The following ZNF385D variants were observed in gnomAD, a reference collection of about 807,000 sequenced individuals.
The protein encoded by ZNF385D is zinc finger protein 659.
Under a neutral mutation model 35.8 loss-of-function variants are expected in ZNF385D, and 15 were observed. That is an observed-to-expected ratio of 0.42 (90% CI 0.28 to 0.64). ZNF385D has a LOEUF of 0.64. ZNF385D is among the 30% of genes least tolerant of loss of function. The probability of loss-of-function intolerance (pLI) is 0.23; values close to 1 mark genes in which losing one functional copy is unlikely to be tolerated. For missense variants in ZNF385D, 474 were observed against 494.6 expected (o/e 0.96, Z 0.39); for synonymous variants, 212 against 186.8 (o/e 1.13, Z -1.10).
chr3:21,442,857 G>T (rs1389118356), intron 4 of ZNF385D, among the ~76,000 whole-genome samples: 1 of 147,470 alleles, frequency 6.8e-6, no homozygotes, highest in East Asian at 2.1e-4. Context: ...GCATGTGCAT[G>T]TATGGCTATA....
chr3:21,951,164 C>A (rs187620068), intron 3 of ZNF385D, among the ~76,000 whole-genome samples: 7 of 151,858 alleles, frequency 4.6e-5, no homozygotes, highest in Admixed American at 4.6e-4. Flanking sequence ...GATACTGATT[C>A]TTCCTGTCCA....
At position 21,626,400 on chromosome 3, in the gene ZNF385D, A is replaced by T. The variant is rs74830267; in HGVS notation, c.165+38486T>A. 8.2e-4 allele frequency among the ~76,000 whole-genome samples: 125 copies of T among 152,274 alleles called. No individual in the cohort carries two copies. The East Asian group carries it at 0.012, about 14-fold the overall frequency. On this transcript the variant is annotated intron_variant, in intron 2 of 7. Transcript: ENST00000281523. Reference sequence around the variant, plus strand: ...CCAGAACACAAATAGGAAAAATGATAGTCATTAAATTTAAGTAATAAAATG... The same window carrying T: ...CCAGAACACAAATAGGAAAAATGATTGTCATTAAATTTAAGTAATAAAATG...
Position 22,241,106 on chromosome 3 carries a change from C to T in ZNF385D, c.107-72071G>A, listed in dbSNP as rs559598793. Reference sequence around the variant, plus strand: ...GTAGCAGATATTCAGTATGTTTGATCGATAACTAAATCAATAAATTATCCT... The same window carrying T: ...GTAGCAGATATTCAGTATGTTTGATTGATAACTAAATCAATAAATTATCCT... On this transcript the variant is annotated intron_variant, in intron 2 of 5. Transcript: ENST00000494108. Among the ~76,000 whole-genome samples the T allele has an allele frequency of 1.7e-4, 26 of 151,152 alleles. 2 individuals carry two copies. In the South Asian group the frequency reaches 3.5e-3, roughly 20 times the overall value.
chr3:21,824,300 T>C (rs976443358), intron 3 of ZNF385D, among the ~76,000 whole-genome samples: 1 of 152,204 alleles, frequency 6.6e-6, no homozygotes, highest in Non-Finnish European at 1.5e-5. Context: ...TAAAAGGCTA[T>C]GTAGTAATGG....
At chr3:22,314,711 C>T (rs973345910) in intron 2 of ZNF385D, among the ~76,000 whole-genome samples, 3 of 152,040 alleles carry the variant, frequency 2.0e-5, no homozygotes, top group African/African-American at 7.2e-5. Context: ...TGATATCATC[C>T]CCATTGAGAA....
chr3:22,173,875 T>A (rs938502829), intron 2 of ZNF385D, among the ~76,000 whole-genome samples: 1 of 152,110 alleles, frequency 6.6e-6, no homozygotes, highest in Non-Finnish European at 1.5e-5. Flanking sequence ...AAATCCAATA[T>A]GGAACACAGT....
At chr3:21,580,894 A>G (rs1428279635) in intron 2 of ZNF385D, among the ~76,000 whole-genome samples, 1 of 152,026 alleles carries the variant, frequency 6.6e-6, no homozygotes, top group Non-Finnish European at 1.5e-5. Context: ...AGGTCCCTTC[A>G]ATGCTTGTTA....
intron 2 of ZNF385D, among the ~76,000 whole-genome samples, chr3:22,226,175 A>G (rs1012670098): frequency 2.0e-5 from 3 of 151,850 alleles, no homozygotes; most frequent in Non-Finnish European, 2.9e-5. Flanking sequence ...CAATGTTTCC[A>G]TTTCCAAGTT....
intron 3 of ZNF385D, among the ~76,000 whole-genome samples, chr3:22,086,746 T>G (rs941931808): frequency 2.0e-5 from 3 of 152,160 alleles, no homozygotes; most frequent in African/African-American, 7.2e-5. Context: ...TGGAATACTA[T>G]GCAGCCATAA....
chr3:21,833,865 C>T (rs1269375776), intron 3 of ZNF385D, among the ~76,000 whole-genome samples: 1 of 151,966 alleles, frequency 6.6e-6, no homozygotes, highest in Admixed American at 6.6e-5. Flanking sequence ...TTTGCTAAGC[C>T]CAGACTAAGG....
intron 3 of ZNF385D, among the ~76,000 whole-genome samples, chr3:21,783,449 T>C (rs1485242754): frequency 1.3e-5 from 2 of 152,168 alleles, no homozygotes; most frequent in East Asian, 3.9e-4. Flanking sequence ...GACATTTAAA[T>C]GCTACTGTAT....
intron 3 of ZNF385D, among the ~76,000 whole-genome samples, chr3:21,846,130 T>C (rs182337307): frequency 1.3e-5 from 2 of 152,066 alleles, no homozygotes; most frequent in East Asian, 3.9e-4. Context: ...TACATATTAG[T>C]CTTTGCTGTG....
intron 3 of ZNF385D, among the ~76,000 whole-genome samples, chr3:22,121,349 T>C (rs889676412): frequency 6.6e-6 from 1 of 152,212 alleles, no homozygotes; most frequent in Non-Finnish European, 1.5e-5. Flanking sequence ...CATGCATGAA[T>C]CAATCTGCAG....
intron 3 of ZNF385D, among the ~76,000 whole-genome samples, chr3:21,798,370 G>C (rs564619753): frequency 6.6e-6 from 1 of 152,110 alleles, no homozygotes; most frequent in Non-Finnish European, 1.5e-5. Flanking sequence ...CAAATCCAGA[G>C]GTCTGTACGA....
intron 3 of ZNF385D, among the ~76,000 whole-genome samples, chr3:22,093,637 G>A (rs1701447532): frequency 1.3e-5 from 2 of 151,976 alleles, no homozygotes; most frequent in Non-Finnish European, 2.9e-5. Context: ...GAAAGATTGT[G>A]ATCACTCACC....
At position 22,083,765 on chromosome 3, in the gene ZNF385D, T is replaced by A. The variant is rs2141217; in HGVS notation, c.325+85052A>T. ...AGATACTCCTCAAGAAGAGCATCCC[T>A]AAGACACATAATTGTCAGATTCACC... is the stretch of plus-strand genomic sequence containing the variant. On this transcript the variant is annotated intron_variant, in intron 3 of 5. Coordinates refer to the ZNF385D transcript ENST00000494108. Among the ~76,000 whole-genome samples the A allele has an allele frequency of 3.6e-3, 550 of 151,956 alleles. 6 individuals are homozygous for A. Among genetic ancestry groups the A allele is most frequent in the African/African-American group, 0.011 (470 of 41,422 alleles).
intron 3 of ZNF385D, among the ~76,000 whole-genome samples, chr3:21,959,722 G>A (rs1247493909): frequency 6.6e-6 from 1 of 152,170 alleles, no homozygotes; most frequent in African/African-American, 2.4e-5. Context: ...TGAAATACTT[G>A]AAACAAGAAG....
intron 4 of ZNF385D, among the ~76,000 whole-genome samples, chr3:21,455,893 G>A (rs1310646959): frequency 6.8e-6 from 1 of 147,850 alleles, no homozygotes; most frequent in Non-Finnish European, 1.5e-5. Flanking sequence ...AAATTTACAA[G>A]AAAAAAACAA....
At chr3:22,275,108 G>C (rs1326914330) in intron 2 of ZNF385D, among the ~76,000 whole-genome samples, 1 of 152,080 alleles carries the variant, frequency 6.6e-6, no homozygotes, top group Non-Finnish European at 1.5e-5. Flanking sequence ...TGGTAACACA[G>C]TAAAGATAAA....
Sources: gnomAD v4.1 joint callset for allele counts (sites outside exome capture counted in the v4.1 genomes callset) on GRCh38, gnomAD v4.1.1 for gene constraint, MANE v1.5 for transcripts, NCBI Gene and HGNC (gene_info 2026-07-23, HGNC 2026-07-21) for gene names.